CLSPN: variants seen among roughly 807,000 people sequenced by gnomAD.
CLSPN encodes the protein claspin homolog.
CLSPN carries 85 observed loss-of-function variants against 156.3 expected under a neutral mutation model. The observed-to-expected ratio is 0.54, with a 90% CI of 0.46 to 0.65. The LOEUF is 0.65. Among genes scored for constraint, CLSPN ranks in the 30% least tolerant of loss-of-function variants. The probability of loss-of-function intolerance (pLI) is 0.00; values close to 1 mark genes in which losing one functional copy is unlikely to be tolerated. For synonymous variants in CLSPN, 534 were observed against 542.4 expected, an observed-to-expected ratio of 0.98 and a Z score of 0.22; for missense variants, 1,407 against 1,554.9, an observed-to-expected ratio of 0.90 and a Z score of 1.60.
intron 8 of CLSPN, among the ~76,000 whole-genome samples, chr1:35,756,129 A>G (rs977074175): frequency 6.6e-6 from 1 of 152,210 alleles, no homozygotes; most frequent in African/African-American, 2.4e-5. Flanking sequence ...TGAAACCCCA[A>G]CATTATTAGC....
At position 35,735,474 on chromosome 1, in the gene CLSPN, G is replaced by A; in HGVS notation, c.*1022C>T. On this transcript the variant is annotated 3_prime_UTR_variant, in exon 25 of 25. Coordinates refer to ENST00000318121, the MANE Select transcript of CLSPN (RefSeq NM_022111.4). ...TGTAATCTCAGCACTTTGGGAGGCTGAGGCAGCTGGATCACTTGAGGTCAG... is the reference window on the plus strand; with the variant it reads ...TGTAATCTCAGCACTTTGGGAGGCTAAGGCAGCTGGATCACTTGAGGTCAG... 1.1e-6 allele frequency: 1 copy of A among 918,646 alleles called. No homozygotes were observed. The highest frequency in any genetic ancestry group is 1.3e-6 in the Non-Finnish European group (1 of 769,204). 56.9% of individuals were successfully genotyped at this position (918,646 alleles called of 1,614,324 possible).
intron 2 of CLSPN, among the ~76,000 whole-genome samples, chr1:35,764,988 T>G (rs1012145372): frequency 1.3e-5 from 2 of 152,234 alleles, no homozygotes; most frequent in Non-Finnish European, 2.9e-5. Flanking sequence ...ATTCCTTTTA[T>G]TATAGGATGA....
At chr1:35,742,265 G>A (rs1641721147) in intron 18 of CLSPN, among the ~76,000 whole-genome samples, 1 of 152,184 alleles carries the variant, frequency 6.6e-6, no homozygotes, top group Non-Finnish European at 1.5e-5. Context: ...GTTGAATCCA[G>A]CCTCTGCTGC....
intron 24 of CLSPN, 121 bp downstream of exon 24, chr1:35,736,793 G>A (rs1018410005): frequency 7.6e-6 from 10 of 1,318,482 alleles, no homozygotes; most frequent in South Asian, 7.5e-5. Flanking sequence ...GTACCTTATC[G>A]GGGAGTGCAA....
chr1:35,746,473 C>A lies in CLSPN; in HGVS notation c.2854+293G>T, dbSNP rs928338110. 6.6e-6 allele frequency among the ~76,000 whole-genome samples: 1 copy of A among 151,938 alleles called. No homozygotes were observed. Among genetic ancestry groups the A allele is most frequent in the African/African-American group, 2.4e-5 (1 of 41,346 alleles). On this transcript the variant is annotated intron_variant, in intron 15 of 24. Transcript: ENST00000318121. The surrounding 1 kb of genome is among the most constrained non-coding windows in gnomAD (Gnocchi z 4.2). ...GCACTGGTGTGATCTCAGCTCACTG[C>A]AACCTTCATCTCCCAGGCTCAAGAG...
At chr1:35,732,092 C>T, downstream of CLSPN, 1 of 936,796 alleles carries the variant, frequency 1.1e-6, no homozygotes, top group Non-Finnish European at 1.3e-6. Context: ...TTAGTATCCT[C>T]ATTTTATAAA....
chr1:35,722,296 C>T (rs1641092162), intron 24 of CLSPN, among the ~76,000 whole-genome samples: 1 of 147,500 alleles, frequency 6.8e-6, no homozygotes, highest in Non-Finnish European at 1.5e-5. Flanking sequence ...TCTCTGTCAC[C>T]CAGGCTAGAG....
In CLSPN at chr1:35,733,320, CTTTTTT is replaced by C. The variant is rs1222789867; in HGVS notation, c.*3170_*3175del. The C allele has an allele frequency of 5.1e-5, 7 of 136,008 alleles. No homozygotes were observed. Among genetic ancestry groups the C allele is most frequent in the Non-Finnish European group, 1.0e-4 (7 of 70,036 alleles). 8.4% of individuals were successfully genotyped at this position (136,008 alleles called of 1,614,324 possible). A position where few individuals can be genotyped will look rare whatever the true frequency, so the allele number is the denominator to read the frequency against. On this transcript the variant is annotated 3_prime_UTR_variant, in exon 25 of 25. Transcript: ENST00000318121. ...CAGGCACTAATTTTCTTTTTTTTTT[CTTTTTT>C]TTTTTTTTTTTAGAGTTGGGATTTC...
At chr1:35,744,280 A>G (rs1386725584) in intron 16 of CLSPN, among the ~76,000 whole-genome samples, 6 of 152,140 alleles carry the variant, frequency 3.9e-5, no homozygotes, top group Non-Finnish European at 7.3e-5. Flanking sequence ...ATAACATTCT[A>G]AGGTTCATCC....
downstream of CLSPN, among the ~76,000 whole-genome samples, chr1:35,728,120 G>A (rs1401980219): frequency 8.3e-6 from 1 of 120,990 alleles, no homozygotes; most frequent in Non-Finnish European, 1.6e-5. Flanking sequence ...GTCTCACTCT[G>A]TCACCCAGAC....
At chr1:35,728,322 AC>A (rs1286028626), downstream of CLSPN, among the ~76,000 whole-genome samples, 1 of 148,998 alleles carries the variant, frequency 6.7e-6, no homozygotes, top group African/African-American at 2.5e-5. Context: ...GTTCAAGCAA[AC>A]CCCCCACCTC....
downstream of CLSPN, among the ~76,000 whole-genome samples, chr1:35,728,879 G>A (rs1641250627): frequency 6.8e-6 from 1 of 147,760 alleles, no homozygotes; most frequent in Non-Finnish European, 1.5e-5. Context: ...CAATTTCTGG[G>A]TCTAACTACA....
At chr1:35,726,748 T>C (rs1233678911) in intron 24 of CLSPN, among the ~76,000 whole-genome samples, 1 of 151,946 alleles carries the variant, frequency 6.6e-6, no homozygotes, top group Non-Finnish European at 1.5e-5. Context: ...GTGTGAGAGG[T>C]GGGGGATCCC....
chr1:35,768,671 C>G (rs572663606), intron 1 of CLSPN, among the ~76,000 whole-genome samples: 2 of 152,158 alleles, frequency 1.3e-5, no homozygotes, highest in South Asian at 4.1e-4. Flanking sequence ...CGGCCTTAGC[C>G]TCCCGAAGTG....
At chr1:35,744,445 G>A (rs962651527) in intron 16 of CLSPN, among the ~76,000 whole-genome samples, 1 of 152,084 alleles carries the variant, frequency 6.6e-6, no homozygotes, top group African/African-American at 2.4e-5. Flanking sequence ...GGTACTGCCG[G>A]CACACGCCTA....
chr1:35,733,005 C>T lies in CLSPN; in HGVS notation c.*3491G>A. On this transcript the variant is annotated 3_prime_UTR_variant, in exon 25 of 25. Coordinates refer to ENST00000318121, the MANE Select transcript of CLSPN (RefSeq NM_022111.4). ...TTTGAGAGGGAGTCTCACTCTGTCG[C>T]CCATGCTGGAGAGCAGTGGCGTGAT... 1.0e-6 allele frequency: 1 copy of T among 960,552 alleles called. No homozygotes were observed. Among genetic ancestry groups the T allele is most frequent in the Non-Finnish European group, 1.2e-6 (1 of 807,446 alleles). 59.5% of individuals were successfully genotyped at this position (960,552 alleles called of 1,614,324 possible). A position where few individuals can be genotyped will look rare whatever the true frequency, so the allele number is the denominator to read the frequency against.
In CLSPN at chr1:35,738,511, A is replaced by T. The variant is rs764669521; in HGVS notation, c.3502T>A (p.Ser1168Thr). 6.2e-7 allele frequency: 1 copy of T among 1,613,836 alleles called. No homozygotes were observed. Among genetic ancestry groups the T allele is most frequent in the Non-Finnish European group, 8.5e-7 (1 of 1,179,880 alleles). Residue 1168 changes from serine (S) to threonine (T), a missense_variant, in exon 21 of 25, where the codon TCA (serine) becomes ACA (threonine). Ser to Thr is a moderately conservative substitution (Grantham distance 58). Around this residue, in one of 3 missense-constraint regions of CLSPN, gnomAD observed 241 missense variants for 240.5 expected, o/e 1.00. Transcript: ENST00000318121. ...CGCTCCTTCCTCCACCTGGCTTCTG[A>T]CTCATCAAGCTGTTCTTCAGTCTGA... ...DDQTEEQLDE[S>T]EARWRKERIE...
rs905081031 is a variant in CLSPN, at chr1:35,732,518, T to G, written c.*3978A>C. On this transcript the variant is annotated 3_prime_UTR_variant, in exon 25 of 25. Coordinates refer to ENST00000318121, the MANE Select transcript of CLSPN (RefSeq NM_022111.4). Reference sequence around the variant, plus strand: ...ATGGTTTATGGAAGAGACCCTAGTATGGCTGTGCAACTGTGAATTAATGAG... The same window carrying G: ...ATGGTTTATGGAAGAGACCCTAGTAGGGCTGTGCAACTGTGAATTAATGAG... 2.3e-5 allele frequency: 23 copies of G among 985,328 alleles called. No individual in the cohort carries two copies. Among genetic ancestry groups the G allele is most frequent in the Non-Finnish European group, 2.5e-5 (21 of 829,942 alleles). 61.0% of individuals were successfully genotyped at this position (985,328 alleles called of 1,614,324 possible).
Position 35,736,615 on chromosome 1 carries a change from C to G in CLSPN, c.3910-9G>C. ...GGACCCCTTTTCTTTACCTAGAGAGCAGAGAGGGAGTCAGGGCCAGCTAAA... is the reference window on the plus strand; with the variant it reads ...GGACCCCTTTTCTTTACCTAGAGAGGAGAGAGGGAGTCAGGGCCAGCTAAA... On this transcript the variant is annotated splice_polypyrimidine_tract_variant and intron_variant, in intron 24 of 24. Transcript: ENST00000318121. The G allele has an allele frequency of 6.2e-7, 1 of 1,604,528 alleles. No individual in the cohort carries two copies. Among genetic ancestry groups the G allele is most frequent in the Non-Finnish European group, 8.5e-7 (1 of 1,176,860 alleles).
Sources: gnomAD v4.1 joint callset for allele counts (sites outside exome capture counted in the v4.1 genomes callset) on GRCh38, gnomAD v4.1.1 for gene constraint, gnomAD v4.1.1 regional missense constraint, Gnocchi (gnomAD v3.1) non-coding constraint, MANE v1.5 for transcripts, NCBI Gene and HGNC (gene_info 2026-07-23, HGNC 2026-07-21) for gene names.